Variants in DICER1 observed in about 807,000 individuals in gnomAD.
The protein encoded by DICER1 is dicer 1, ribonuclease III.
DICER1 carries 43 observed loss-of-function variants against 194.1 expected under a neutral mutation model. The ratio of observed to expected loss-of-function variants is 0.22; its 90% CI spans 0.17 to 0.29. DICER1 has a LOEUF of 0.29. Among genes scored for constraint, DICER1 ranks in the 10% least tolerant of loss-of-function variants. The pLI, the probability that DICER1 is intolerant of heterozygous loss-of-function variation, is 1.00. For missense variants in DICER1, 1,608 were observed against 2,317.0 expected (o/e 0.69, Z 6.28); for synonymous variants, 832 against 820.5 (o/e 1.01, Z -0.24).
intron 1 of DICER1, among the ~76,000 whole-genome samples, chr14:95,135,256 C>T (rs539499222): frequency 6.6e-5 from 10 of 152,302 alleles, no homozygotes; most frequent in Admixed American, 2.0e-4. Context: ...CCTTCACTTT[C>T]ACCCAACCCA....
intron 22 of DICER1, 143 bp downstream of exon 22, chr14:95,099,637 C>T: frequency 9.6e-7 from 1 of 1,047,104 alleles, no homozygotes; most frequent in Non-Finnish European, 1.3e-6. Context: ...TTAAATATAT[C>T]AAATATCTAC....
At chr14:95,144,202 C>G (rs180904291) in intron 1 of DICER1, among the ~76,000 whole-genome samples, 71 of 152,206 alleles carry the variant, frequency 4.7e-4, no homozygotes, top group African/African-American at 1.6e-3. Context: ...CCTCAAAACA[C>G]TGATTCTGAG....
intron 21 of DICER1, among the ~76,000 whole-genome samples, chr14:95,102,260 T>C (rs1890949289): frequency 6.6e-6 from 1 of 152,226 alleles, no homozygotes; most frequent in African/African-American, 2.4e-5. Flanking sequence ...TCTCTGCTTC[T>C]GCTGTTGGTT....
chr14:95,121,909 G>C (rs1892966709), intron 8 of DICER1, among the ~76,000 whole-genome samples: 1 of 152,020 alleles, frequency 6.6e-6, no homozygotes, highest in Admixed American at 6.5e-5. Context: ...TTTTAATTAG[G>C]AGAGTAGAAA....
intron 14 of DICER1, among the ~76,000 whole-genome samples, chr14:95,109,269 G>T (rs576796291): frequency 4.9e-4 from 75 of 152,298 alleles, no homozygotes; most frequent in Non-Finnish European, 5.6e-4. Context: ...AGTTCCTGAG[G>T]TTCAATGAAA....
At chr14:95,146,768 ACCAG>A (rs1895165151) in intron 1 of DICER1, among the ~76,000 whole-genome samples, 1 of 152,228 alleles carries the variant, frequency 6.6e-6, no homozygotes, top group Non-Finnish European at 1.5e-5. Context: ...CACGGGGGTC[ACCAG>A]CCAAAGGTCC....
chr14:95,132,639 G>A lies in DICER1; in HGVS notation c.183C>T (p.Ile61=), dbSNP rs932113852. ...TCCCTGAGCCAGTGTTTAAACAGAC[G>A]ATGGTATTATGATCCAGAGCTGCTT... ...LLEAALDHNT[I]VCLNTGSGKT... is the part of the protein sequence containing the mutation. Residue 61 remains isoleucine, a synonymous_variant, in exon 3 of 27, where the codon ATC becomes ATT. Transcript: ENST00000343455. 12 of 1,613,782 alleles carry A rather than the reference G, an allele frequency of 7.4e-6. No homozygotes were observed. Among genetic ancestry groups the A allele is most frequent in the African/African-American group, 4.0e-5 (3 of 74,902 alleles).
rs554248573 is a variant in DICER1 at position 95,120,285 on chromosome 14, A to G, written c.1377-2531T>C. Among the ~76,000 whole-genome samples, 10 of 152,322 alleles carry G rather than the reference A, an allele frequency of 6.6e-5. No homozygotes were observed. The East Asian group carries it at 1.7e-3, about 26-fold the overall frequency. On this transcript the variant is annotated intron_variant, in intron 8 of 26. Transcript: ENST00000343455. ...ATCACTGACAGTTACATAATAGCATACGGATGTTGCACTCCCTAGATGGGT... is the reference window on the plus strand; with the variant it reads ...ATCACTGACAGTTACATAATAGCATGCGGATGTTGCACTCCCTAGATGGGT...
intron 8 of DICER1, among the ~76,000 whole-genome samples, chr14:95,120,028 A>C (rs759384479): frequency 2.7e-4 from 41 of 152,384 alleles, no homozygotes; most frequent in Non-Finnish European, 4.7e-4. Flanking sequence ...GTAGGTTCAG[A>C]AAACTAATAG....
rs1440194810 is a variant in DICER1 at position 95,124,242 on chromosome 14, C to T, written c.1330G>A (p.Gly444Arg). Reference protein sequence around the residue: ...FPSPFTNILCGIIFVERRYTA... With the variant: ...FPSPFTNILCRIIFVERRYTA... ...TATCTTCTTTCCACAAAAATAATTC[C>T]GCACAAAATGTTGGTAAAAGGAGAA... Residue 444 changes from glycine (G) to arginine (R), a missense_variant, in exon 8 of 27, where the codon GGA (glycine) becomes AGA (arginine). Transcript: ENST00000343455. This position sits in a 1 kb window ranked among gnomAD's most constrained non-coding sequence, Gnocchi z 4.5. 6.2e-7 allele frequency: 1 copy of T among 1,613,878 alleles called. No individual in the cohort carries two copies.
At chr14:95,151,794 T>G (rs1895530572) in intron 1 of DICER1, among the ~76,000 whole-genome samples, 1 of 152,208 alleles carries the variant, frequency 6.6e-6, no homozygotes, top group Non-Finnish European at 1.5e-5. Context: ...GGCTGTGAGT[T>G]CATCATGTTA....
chr14:95,124,743 G>A lies in DICER1; in HGVS notation c.904-75C>T. ...GCATTTTCATGTGGGGTTTAACTGGGATTTCAGTTGTTCTCAAATGGCTCC... is the reference window on the plus strand; with the variant it reads ...GCATTTTCATGTGGGGTTTAACTGGAATTTCAGTTGTTCTCAAATGGCTCC... On this transcript the variant is annotated intron_variant, in intron 7 of 26. Coordinates refer to ENST00000343455, the MANE Select transcript of DICER1 (RefSeq NM_177438.3). This position sits in a 1 kb window ranked among gnomAD's most constrained non-coding sequence, Gnocchi z 4.5. 1.6e-6 allele frequency: 2 copies of A among 1,254,708 alleles called. No individual in the cohort carries two copies. The highest frequency in any genetic ancestry group is 2.3e-6 in the Non-Finnish European group (2 of 867,138). 77.7% of individuals were successfully genotyped at this position (1,254,708 alleles called of 1,614,324 possible).
intron 6 of DICER1, chr14:95,129,144 C>A: frequency 4.0e-6 from 1 of 250,986 alleles, no homozygotes; most frequent in Non-Finnish European, 7.8e-6. Flanking sequence ...ACATTCAGGT[C>A]AGAACAACAA....
chr14:95,117,786 C>T (rs374751083), intron 8 of DICER1, 32 bp from the exon 9 acceptor site: 3 of 1,607,808 alleles, frequency 1.9e-6, no homozygotes, highest in Admixed American at 3.4e-5. Flanking sequence ...GGAAGTTAAA[C>T]GTTGCTGAAA....
At chr14:95,155,702 G>C (rs1895809613) in intron 1 of DICER1, among the ~76,000 whole-genome samples, 1 of 152,174 alleles carries the variant, frequency 6.6e-6, no homozygotes, top group African/African-American at 2.4e-5. Context: ...AATTAAAATG[G>C]ACTAACTGTT....
At chr14:95,115,049 CTGAA>C (rs1472796242) in intron 11 of DICER1, among the ~76,000 whole-genome samples, 1 of 152,126 alleles carries the variant, frequency 6.6e-6, no homozygotes, top group Admixed American at 6.6e-5. Flanking sequence ...TCTCATGAAA[CTGAA>C]TGAGTCTCTC....
Position 95,124,133 on chromosome 14 carries a change from A to C in DICER1, c.1376+63T>G. 3.3e-6 allele frequency: 4 copies of C among 1,217,786 alleles called. No individual in the cohort carries two copies. Among genetic ancestry groups the C allele is most frequent in the Non-Finnish European group, 4.8e-6 (4 of 829,168 alleles). 75.4% of individuals were successfully genotyped at this position (1,217,786 alleles called of 1,614,324 possible). ...CTAGCTCTTACAGCTGCTGCAGCGC[A>C]TCACATCACAACACAGGACGCCTCC... is the stretch of plus-strand genomic sequence containing the variant. On this transcript the variant is annotated intron_variant, in intron 8 of 26. Transcript: ENST00000343455. The surrounding 1 kb of genome is among the most constrained non-coding windows in gnomAD (Gnocchi z 4.5).
rs1889755353 is a variant in DICER1 at position 95,091,011 on chromosome 14, T to C, written c.5603+23A>G. The C allele has an allele frequency of 1.9e-6, 3 of 1,601,520 alleles. No individual in the cohort carries two copies. In the South Asian group the frequency reaches 3.3e-5, roughly 18 times the overall value. On this transcript the variant is annotated intron_variant, in intron 26 of 26. Transcript: ENST00000343455. ...TTTGATGTTTTTAAGTTAATGTTTT[T>C]TCCATGTACATTTTTTGCTTACCTA...
In DICER1 at chr14:95,089,063, T is replaced by A. The variant is rs570089276; in HGVS notation, c.*1435A>T. 244 of 221,694 alleles carry A rather than the reference T, an allele frequency of 1.1e-3. 1 individual carries two copies. The East Asian group carries it at 0.015, about 14-fold the overall frequency. 13.7% of individuals were successfully genotyped at this position (221,694 alleles called of 1,614,324 possible). ...TAGTTACAGTGCAAAAAAAAAAAAATTAAAATTTCAAGCATAATACATAAA... is the reference window on the plus strand; with the variant it reads ...TAGTTACAGTGCAAAAAAAAAAAAAATAAAATTTCAAGCATAATACATAAA... On this transcript the variant is annotated 3_prime_UTR_variant, in exon 27 of 27. Coordinates refer to ENST00000343455, the MANE Select transcript of DICER1 (RefSeq NM_177438.3).
Sources: allele counts gnomAD v4.1 joint callset (sites outside exome capture counted in the v4.1 genomes callset), GRCh38; gene constraint gnomAD v4.1.1; non-coding constraint Gnocchi (gnomAD v3.1); transcripts MANE v1.5; gene names NCBI Gene and HGNC (gene_info 2026-07-23, HGNC 2026-07-21).